The following LMBR1 variants were observed in gnomAD, a reference collection of about 807,000 sequenced individuals.
The protein encoded by LMBR1 is limb region 1 protein homolog.
In LMBR1, 52 loss-of-function variants were observed where a neutral mutation model predicts 73.9. The ratio of observed to expected loss-of-function variants is 0.70; its 90% CI spans 0.56 to 0.89. The LOEUF is 0.89. LMBR1 is among the 40% of genes least tolerant of loss of function. The pLI, the probability that LMBR1 is intolerant of heterozygous loss-of-function variation, is 0.00. For synonymous variants in LMBR1, 215 were observed against 209.4 expected, an observed-to-expected ratio of 1.03 and a Z score of -0.23; for missense variants, 539 against 579.8, an observed-to-expected ratio of 0.93 and a Z score of 0.72.
intron 4 of LMBR1, among the ~76,000 whole-genome samples, chr7:156,809,178 T>C (rs1832669023): frequency 6.6e-6 from 1 of 152,194 alleles, no homozygotes; most frequent in Admixed American, 6.5e-5. Flanking sequence ...TAGATATCTA[T>C]CTCCTACCCA....
intron 1 of LMBR1, among the ~76,000 whole-genome samples, chr7:156,890,151 A>C (rs1802638064): frequency 6.6e-6 from 1 of 152,178 alleles, no homozygotes; most frequent in South Asian, 2.1e-4. Flanking sequence ...TGGGAGAAAA[A>C]AATATGACTC....
intron 10 of LMBR1, among the ~76,000 whole-genome samples, chr7:156,732,863 G>T (rs771318807): frequency 6.6e-6 from 1 of 152,182 alleles, no homozygotes; most frequent in African/African-American, 2.4e-5. Context: ...ACTATAAGTG[G>T]CCAGGCATCG....
At chr7:156,695,961 A>T (rs754693058) in intron 15 of LMBR1, among the ~76,000 whole-genome samples, 15 of 152,184 alleles carry the variant, frequency 9.9e-5, no homozygotes, top group Non-Finnish European at 7.3e-5. Flanking sequence ...TGCAGTGGAA[A>T]ATGAATAAAC....
In LMBR1 at chr7:156,775,735, T is replaced by C. The variant is rs111793710; in HGVS notation, c.424-11940A>G. Among the ~76,000 whole-genome samples the C allele has an allele frequency of 4.0e-3, 603 of 152,336 alleles. 4 individuals carry two copies. Among genetic ancestry groups the C allele is most frequent in the Non-Finnish European group, 5.1e-3 (349 of 68,034 alleles). On this transcript the variant is annotated intron_variant, in intron 5 of 16. Coordinates refer to ENST00000353442, the MANE Select transcript of LMBR1 (RefSeq NM_022458.4). ...TTTTAGAGTGGGTGTGTATGACTTA[T>C]GTAGTAAGAGTACCAACTAATGTTC...
chr7:156,816,230 G>C (rs981948101), intron 4 of LMBR1, among the ~76,000 whole-genome samples: 1 of 151,654 alleles, frequency 6.6e-6, no homozygotes, highest in African/African-American at 2.4e-5. Flanking sequence ...TTTGGAGACA[G>C]AGTCTCACTC....
chr7:156,883,124 T>C (rs983219940), intron 1 of LMBR1, among the ~76,000 whole-genome samples: 2 of 151,174 alleles, frequency 1.3e-5, no homozygotes, highest in African/African-American at 2.4e-5. Flanking sequence ...GACAGGGCCA[T>C]GCATGGTGGC....
At chr7:156,865,278 G>A (rs1174417762) in intron 1 of LMBR1, among the ~76,000 whole-genome samples, 3 of 151,998 alleles carry the variant, frequency 2.0e-5, no homozygotes, top group Non-Finnish European at 4.4e-5. Flanking sequence ...CTGCACTCCA[G>A]GCACAGTGAC....
intron 1 of LMBR1, among the ~76,000 whole-genome samples, chr7:156,847,845 G>T (rs1795710872): frequency 6.6e-6 from 1 of 152,148 alleles, no homozygotes; most frequent in Non-Finnish European, 1.5e-5. Flanking sequence ...CACTTTGGAA[G>T]ATAACTTGGC....
At position 156,850,870 on chromosome 7, in the gene LMBR1, GA is replaced by G. The variant is rs574805693; in HGVS notation, c.67-13986del. On this transcript the variant is annotated intron_variant, in intron 1 of 16. Transcript: ENST00000353442. ...CCACTGTTGGAGGTGAACCCTGGTG[GA>G]AGTGTTTGGATCATGGAGGCAGATC... 2.6e-3 allele frequency among the ~76,000 whole-genome samples: 400 copies of G among 152,318 alleles called. 4 individuals carry two copies. The highest frequency in any genetic ancestry group is 9.0e-3 in the African/African-American group (375 of 41,562).
intron 15 of LMBR1, among the ~76,000 whole-genome samples, chr7:156,690,866 C>T (rs941323209): frequency 6.6e-6 from 1 of 152,086 alleles, no homozygotes; most frequent in Non-Finnish European, 1.5e-5. Flanking sequence ...CCACAAGAAA[C>T]CTTAAAAATG....
chr7:156,886,180 AT>A (rs1031134638), intron 1 of LMBR1, among the ~76,000 whole-genome samples: 22 of 152,296 alleles, frequency 1.4e-4, no homozygotes, highest in African/African-American at 4.6e-4. Flanking sequence ...CTCAAAAATA[AT>A]TTTGTAAAGA....
chr7:156,873,884 G>A (rs1033745490), intron 1 of LMBR1, among the ~76,000 whole-genome samples: 8 of 152,256 alleles, frequency 5.3e-5, no homozygotes, highest in Non-Finnish European at 8.8e-5. Flanking sequence ...TACAATCCCT[G>A]AGCTAGACAT....
Position 156,722,037 on chromosome 7 carries a change from G to A in LMBR1, c.1225+2075C>T, listed in dbSNP as rs78313782. Among the ~76,000 whole-genome samples the A allele has an allele frequency of 2.3e-3, 347 of 151,760 alleles. 9 individuals are homozygous for A. In the East Asian group the frequency reaches 0.047, roughly 21 times the overall value. On this transcript the variant is annotated intron_variant, in intron 15 of 16. Coordinates refer to ENST00000353442, the MANE Select transcript of LMBR1 (RefSeq NM_022458.4). Reference sequence around the variant, plus strand: ...TCATCATTTCTTTTATACTAGATTCGATGTATTTCAAGTTATAATCAAATT... The same window carrying A: ...TCATCATTTCTTTTATACTAGATTCAATGTATTTCAAGTTATAATCAAATT...
intron 1 of LMBR1, among the ~76,000 whole-genome samples, chr7:156,852,109 T>C (rs1184612651): frequency 6.6e-6 from 1 of 151,992 alleles, no homozygotes; most frequent in Non-Finnish European, 1.5e-5. Flanking sequence ...AACAAAGTAA[T>C]ATAACAAGTA....
chr7:156,847,137 C>T (rs1448417500), intron 1 of LMBR1, among the ~76,000 whole-genome samples: 2 of 152,070 alleles, frequency 1.3e-5, no homozygotes, highest in Non-Finnish European at 2.9e-5. Context: ...CACATAAATA[C>T]GATCAACTGA....
chr7:156,682,751 A>G lies in LMBR1; in HGVS notation c.*1327T>C, dbSNP rs1471172920. 1.3e-5 allele frequency: 2 copies of G among 152,230 alleles called. No homozygotes were observed. The highest frequency in any genetic ancestry group is 2.4e-5 in the African/African-American group (1 of 41,464). The allele number at this position is 152,230 out of a possible 1,614,324, so 9.4% of individuals were successfully genotyped here. The stretch of plus-strand genomic sequence containing the variant: ...TAAATTTCTCCCAGAAAACCTTTAA[A>G]TGTAACAATTTGAAAAAAATGTTTT... On this transcript the variant is annotated 3_prime_UTR_variant, in exon 17 of 17. Transcript: ENST00000353442.
chr7:156,829,786 A>T (rs1386727825), intron 3 of LMBR1, among the ~76,000 whole-genome samples: 1 of 152,080 alleles, frequency 6.6e-6, no homozygotes, highest in African/African-American at 2.4e-5. Flanking sequence ...AACAGACACA[A>T]TTATTCTCCT....
Position 156,893,170 on chromosome 7 carries a change from G to T in LMBR1, c.-177C>A. 2.0e-6 allele frequency: 1 copy of T among 490,094 alleles called. No homozygotes were observed. Among genetic ancestry groups the T allele is most frequent in the South Asian group, 5.1e-5 (1 of 19,460 alleles). The allele number at this position is 490,094 out of a possible 1,614,324, so 30.4% of individuals were successfully genotyped here. A position where few individuals can be genotyped will look rare whatever the true frequency, so the allele number is the denominator to read the frequency against. Reference sequence around the variant, plus strand: ...GGCCGTCGCCTCAGCAGCCTCAGACGAGCAGCTCTGACTAAGGGAGGGCGG... The same window carrying T: ...GGCCGTCGCCTCAGCAGCCTCAGACTAGCAGCTCTGACTAAGGGAGGGCGG... On this transcript the variant is annotated 5_prime_UTR_variant, in exon 1 of 17. Transcript: ENST00000353442.
intron 1 of LMBR1, among the ~76,000 whole-genome samples, chr7:156,867,261 T>C (rs1798599347): frequency 6.6e-6 from 1 of 152,180 alleles, no homozygotes; most frequent in Non-Finnish European, 1.5e-5. Flanking sequence ...AAAATCATAA[T>C]GACAAGTGAT....
Sources: allele counts gnomAD v4.1 joint callset (sites outside exome capture counted in the v4.1 genomes callset), GRCh38; gene constraint gnomAD v4.1.1; transcripts MANE v1.5; gene names NCBI Gene and HGNC (gene_info 2026-07-23, HGNC 2026-07-21).